FRMPD2: variants seen among roughly 807,000 people sequenced by gnomAD.
FRMPD2 encodes the protein FERM and PDZ domain-containing protein 2.
Under a neutral mutation model 140.1 loss-of-function variants are expected in FRMPD2, and 96 were observed. That is an observed-to-expected ratio of 0.69 (90% CI 0.58 to 0.81). The LOEUF is 0.81. Among genes scored for constraint, FRMPD2 ranks in the 40% least tolerant of loss-of-function variants. The pLI is 0.00. For missense variants in FRMPD2, 1,240 were observed against 1,447.4 expected (o/e 0.86, Z 2.32); for synonymous variants, 449 against 547.6 (o/e 0.82, Z 2.52).
intron 1 of FRMPD2, among the ~76,000 whole-genome samples, chr10:48,272,683 C>A (rs921019997): frequency 6.6e-6 from 1 of 152,162 alleles, no homozygotes; most frequent in Non-Finnish European, 1.5e-5. Context: ...CCTAAGAAAA[C>A]TAAGAAAGTG....
At chr10:48,189,158 C>T (rs1838768587) in intron 16 of FRMPD2, among the ~76,000 whole-genome samples, 1 of 152,160 alleles carries the variant, frequency 6.6e-6, no homozygotes, top group Admixed American at 6.5e-5. Context: ...GAAAGCTTTC[C>T]CTGCCAGCCT....
chr10:48,219,723 C>T (rs779114158), intron 12 of FRMPD2, among the ~76,000 whole-genome samples: 2 of 152,206 alleles, frequency 1.3e-5, no homozygotes, highest in Non-Finnish European at 2.9e-5. Flanking sequence ...TATTAATAGG[C>T]ATCTGAACAT....
At chr10:48,210,088 G>A (rs533999726) in intron 13 of FRMPD2, among the ~76,000 whole-genome samples, 7 of 152,230 alleles carry the variant, frequency 4.6e-5, no homozygotes, top group South Asian at 2.1e-4. Flanking sequence ...ATCTCCAGGC[G>A]GCAGAATTAT....
chr10:48,197,092 A>G (rs1011797949), intron 15 of FRMPD2, among the ~76,000 whole-genome samples: 4 of 152,362 alleles, frequency 2.6e-5, no homozygotes, highest in Non-Finnish European at 5.9e-5. Context: ...AAATGTTTAT[A>G]TGTTCATCTG....
chr10:48,238,046 T>C lies in FRMPD2; in HGVS notation c.866A>G (p.Asp289Gly), dbSNP rs1588847475. ...AGAAGGAGTTGTTGGCCATGAGCTG[T>C]CTGCTGCCGAGTGCACAGATCCAGA... Reference protein sequence around the residue: ...LSSGSVHSAADSSWPTTPSQR... With the variant: ...LSSGSVHSAAGSSWPTTPSQR... The change falls in exon 8 of 29, where the codon GAC becomes GGC. Residue 289 changes from aspartate (D) to glycine (G), a missense_variant. By Grantham distance (94) the Asp-to-Gly change is moderately conservative (BLOSUM62 -1). Coordinates refer to ENST00000374201, the MANE Select transcript of FRMPD2 (RefSeq NM_001018071.4). 1.2e-6 allele frequency: 2 copies of C among 1,614,104 alleles called. No individual in the cohort carries two copies. Among genetic ancestry groups the C allele is most frequent in the Non-Finnish European group, 1.7e-6 (2 of 1,180,036 alleles).
intron 16 of FRMPD2, 74 bp from the exon 17 acceptor site, chr10:48,187,366 A>C: frequency 3.6e-5 from 48 of 1,316,748 alleles, no homozygotes; most frequent in Non-Finnish European, 4.6e-5. Context: ...AAGGTGGCTC[A>C]GGGAGGCAAC....
rs373060544 is a variant in FRMPD2 at position 48,185,588 on chromosome 10, C to T, written c.2324G>A (p.Arg775His). The T allele has an allele frequency of 1.2e-5, 19 of 1,614,118 alleles. No homozygotes were observed. The highest frequency in any genetic ancestry group is 2.2e-5 in the South Asian group (2 of 91,082). The stretch of plus-strand genomic sequence containing the variant: ...ATGTGGGTCACGTTTCAGTGTCACA[C>T]GTACAATTTCTCGGCCCGGTTCAGC... ...FIAEPGREIV[R>H]VTLKRDPHRG... The change falls in exon 18 of 29, where the codon CGT becomes CAT. Residue 775 changes from arginine to histidine, a missense_variant. By Grantham distance (29) the Arg-to-His change is conservative (BLOSUM62 0). Coordinates refer to ENST00000374201, the MANE Select transcript of FRMPD2 (RefSeq NM_001018071.4).
chr10:48,264,247 T>A (rs1181364473), intron 1 of FRMPD2, among the ~76,000 whole-genome samples: 3 of 151,512 alleles, frequency 2.0e-5, no homozygotes, highest in Non-Finnish European at 1.5e-5. Flanking sequence ...TACAAAGATG[T>A]CCCCTCTCAC....
At chr10:48,187,393 G>T in intron 16 of FRMPD2, 101 bp from the exon 17 acceptor site, 1 of 928,498 alleles carries the variant, frequency 1.1e-6, no homozygotes, top group Non-Finnish European at 1.7e-6. Flanking sequence ...GCATTTCTGA[G>T]TATGGATGAT....
At chr10:48,214,855 G>T (rs1038112694) in intron 12 of FRMPD2, among the ~76,000 whole-genome samples, 1 of 152,188 alleles carries the variant, frequency 6.6e-6, no homozygotes, top group Non-Finnish European at 1.5e-5. Context: ...GACTGGGAAG[G>T]CATGGCAGGC....
In FRMPD2 at chr10:48,223,807, A is replaced by G. The variant is rs1339866132; in HGVS notation, c.1169-537T>C. ...ATGAGATCATGAGTATGGGTCCCCC[A>G]TGATGGGATCAGCATCCTTATAACA... On this transcript the variant is annotated intron_variant, in intron 10 of 28. Coordinates refer to ENST00000374201, the MANE Select transcript of FRMPD2 (RefSeq NM_001018071.4). Among the ~76,000 whole-genome samples the G allele has an allele frequency of 7.9e-5, 12 of 152,332 alleles. 1 individual carries two copies.
intron 10 of FRMPD2, among the ~76,000 whole-genome samples, chr10:48,231,400 G>A (rs1304948488): frequency 1.3e-5 from 2 of 152,306 alleles, no homozygotes; most frequent in Middle Eastern, 3.4e-3. Context: ...AGGGCAGCTC[G>A]CCACTCACAC....
intron 16 of FRMPD2, among the ~76,000 whole-genome samples, chr10:48,189,802 G>A (rs1838787015): frequency 6.6e-6 from 1 of 152,194 alleles, no homozygotes; most frequent in Non-Finnish European, 1.5e-5. Flanking sequence ...CGTCCCTGGT[G>A]CCCTTGCTTG....
chr10:48,183,851 C>CAAAA lies in FRMPD2; in HGVS notation c.2584+711_2584+714dup, dbSNP rs57389978. Among the ~76,000 whole-genome samples, 143 of 76,784 alleles carry CAAAA rather than the reference C, an allele frequency of 1.9e-3. 11 individuals carry two copies. The highest frequency in any genetic ancestry group is 8.0e-3 in the African/African-American group (141 of 17,558). 50.4% of individuals were successfully genotyped at this position (76,784 alleles called of 152,430 possible). ...TGGGTGAAAGAGTGAGACTCCATCT[C>CAAAA]AAAAAAAAAAAAGGAAAATCAAATA... is the stretch of plus-strand genomic sequence containing the variant. On this transcript the variant is annotated intron_variant, in intron 20 of 28. Transcript: ENST00000374201.
At chr10:48,220,974 C>T (rs1168211656) in intron 12 of FRMPD2, among the ~76,000 whole-genome samples, 1 of 152,148 alleles carries the variant, frequency 6.6e-6, no homozygotes, top group Non-Finnish European at 1.5e-5. Flanking sequence ...AAAGGGAACA[C>T]TTTTATACTG....
chr10:48,175,253 TTTTG>T, intron 23 of FRMPD2: 1 of 845,200 alleles, frequency 1.2e-6, no homozygotes, highest in Admixed American at 3.2e-5. Flanking sequence ...GTGAAACCAT[TTTTG>T]GAAGTATTTT....
At chr10:48,227,660 T>A (rs996707155) in intron 10 of FRMPD2, among the ~76,000 whole-genome samples, 11 of 152,244 alleles carry the variant, frequency 7.2e-5, no homozygotes, top group African/African-American at 2.7e-4. Flanking sequence ...GGTTATACCT[T>A]TGGATATTTG....
At chr10:48,223,041 A>G (rs545505190) in intron 11 of FRMPD2, 82 bp downstream of exon 11, 525 of 1,286,736 alleles carry the variant, frequency 4.1e-4, no homozygotes, top group Non-Finnish European at 5.5e-4. Context: ...TTTGCAAAGC[A>G]CTTGTCGATC....
chr10:48,183,344 G>A (rs1747465919), intron 20 of FRMPD2, among the ~76,000 whole-genome samples: 2 of 152,164 alleles, frequency 1.3e-5, no homozygotes, highest in Non-Finnish European at 2.9e-5. Context: ...AAACTAGGGA[G>A]AAGGGATGTT....
Sources: gnomAD v4.1 joint callset for allele counts (sites outside exome capture counted in the v4.1 genomes callset) on GRCh38, gnomAD v4.1.1 for gene constraint, MANE v1.5 for transcripts, NCBI Gene and HGNC (gene_info 2026-07-23, HGNC 2026-07-21) for gene names.